The following FREM2 variants were observed in gnomAD, a reference collection of about 807,000 sequenced individuals.
FREM2 encodes the protein FRAS1 related extracellular matrix 2, also known as FRAS1-related extracellular matrix protein 2.
FREM2 carries 119 observed loss-of-function variants against 219.9 expected under a neutral mutation model. That is an observed-to-expected ratio of 0.54 (90% CI 0.47 to 0.63). The LOEUF (loss-of-function observed/expected upper bound fraction) is 0.63, where lower values mean the gene tolerates loss of function less well. Among genes scored for constraint, FREM2 ranks in the 30% least tolerant of loss-of-function variants. FREM2 has a pLI of 0.00. For synonymous variants in FREM2, 1,562 were observed against 1,522.8 expected, an observed-to-expected ratio of 1.03 and a Z score of -0.60; for missense variants, 4,030 against 3,993.6, an observed-to-expected ratio of 1.01 and a Z score of -0.25.
intron 6 of FREM2, among the ~76,000 whole-genome samples, chr13:38,812,284 C>A (rs1192035001): frequency 6.6e-6 from 1 of 151,972 alleles, no homozygotes; most frequent in Non-Finnish European, 1.5e-5. Context: ...GGGTTTGGTC[C>A]ATTTACATTT....
intron 13 of FREM2, 143 bp from the exon 14 acceptor site, chr13:38,859,144 G>A (rs1261846141): frequency 5.4e-6 from 4 of 737,906 alleles, no homozygotes; most frequent in African/African-American, 1.7e-5. Context: ...TATCATGCCT[G>A]GGGATCAAAA....
At chr13:38,778,611 A>G (rs1270584494) in intron 4 of FREM2, among the ~76,000 whole-genome samples, 1 of 152,150 alleles carries the variant, frequency 6.6e-6, no homozygotes, top group Non-Finnish European at 1.5e-5. Context: ...AGATGGACAC[A>G]TAGCGGGAAA....
intron 2 of FREM2, among the ~76,000 whole-genome samples, chr13:38,761,154 C>T (rs1037484932): frequency 6.6e-6 from 1 of 152,104 alleles, no homozygotes; most frequent in Non-Finnish European, 1.5e-5. Flanking sequence ...ACAGCACATA[C>T]AAAAACAGCC....
chr13:38,689,604 C>T lies in FREM2; in HGVS notation c.2260C>T (p.Leu754=), dbSNP rs369149093. 4.3e-6 allele frequency: 7 copies of T among 1,613,292 alleles called. No homozygotes were observed. The highest frequency in any genetic ancestry group is 2.7e-5 in the African/African-American group (2 of 74,888). The stretch of plus-strand genomic sequence containing the variant: ...CCCCACAGACACAGACGAAAATCAC[C>T]TGCCAGCCCCACTGGGTACCTTGGT... The part of the protein sequence containing the change: ...QPPTDTDENH[L]PAPLGTLVLT... Residue 754 remains leucine (L), a synonymous_variant, in exon 1 of 24, where the codon CTG becomes TTG. Coordinates refer to ENST00000280481, the MANE Select transcript of FREM2 (RefSeq NM_207361.6).
intron 6 of FREM2, among the ~76,000 whole-genome samples, chr13:38,832,802 T>C (rs577991884): frequency 6.6e-6 from 1 of 152,264 alleles, no homozygotes; most frequent in African/African-American, 2.4e-5. Context: ...CTAAGCACTT[T>C]GGGAAGCTGA....
chr13:38,821,346 C>T (rs911637251), intron 6 of FREM2, among the ~76,000 whole-genome samples: 64 of 151,882 alleles, frequency 4.2e-4, no homozygotes, highest in African/African-American at 1.5e-3. Flanking sequence ...TACAAGATTG[C>T]CCAGTCAAAT....
At chr13:38,717,412 C>CTTTTTTTTTTTT (rs386378868) in intron 2 of FREM2, among the ~76,000 whole-genome samples, 10 of 90,144 alleles carry the variant, frequency 1.1e-4, no homozygotes, top group Non-Finnish European at 2.0e-4. Flanking sequence ...TACATAAGTA[C>CTTTTTTTTTTTT]TTTTTTTTTT....
intron 6 of FREM2, among the ~76,000 whole-genome samples, chr13:38,806,018 A>C (rs1397471713): frequency 6.8e-6 from 1 of 147,134 alleles, no homozygotes; most frequent in African/African-American, 2.5e-5. Flanking sequence ...TTTTTTTTGT[A>C]ATAGTTTCCG....
At chr13:38,879,218 C>T (rs1262648831) in intron 23 of FREM2, among the ~76,000 whole-genome samples, 5 of 152,174 alleles carry the variant, frequency 3.3e-5, no homozygotes, top group African/African-American at 4.8e-5. Flanking sequence ...TTTCATAGCT[C>T]TTATCACTTT....
chr13:38,704,247 C>T (rs749557959), intron 2 of FREM2, among the ~76,000 whole-genome samples: 21 of 152,148 alleles, frequency 1.4e-4, no homozygotes, highest in South Asian at 4.1e-4. Context: ...TTTCAGGTGT[C>T]CATTGGGGTC....
At chr13:38,796,774 A>T (rs4261400) in intron 6 of FREM2, among the ~76,000 whole-genome samples, 69,050 of 152,042 alleles carry the variant, frequency 0.45, 16,624 homozygotes, top group Non-Finnish European at 0.52. Flanking sequence ...TTTTCTTTGG[A>T]TAAATACCTA....
At position 38,690,100 on chromosome 13, in the gene FREM2, G is replaced by T; in HGVS notation, c.2756G>T (p.Ser919Ile). 1 of 1,614,110 alleles carries T rather than the reference G, an allele frequency of 6.2e-7. No individual in the cohort carries two copies. Among genetic ancestry groups the T allele is most frequent in the Non-Finnish European group, 8.5e-7 (1 of 1,180,032 alleles). Residue 919 changes from serine to isoleucine, a missense_variant, in exon 1 of 24, where the codon AGT becomes ATT. Transcript: ENST00000280481. ...SLTDSCSLEVSDRHHVVPITL... is the reference protein window; with the variant it reads ...SLTDSCSLEVIDRHHVVPITL... The stretch of plus-strand genomic sequence containing the variant: ...ACTGATAGCTGCTCCTTGGAAGTCA[G>T]TGACAGACATCATGTGGTGCCCATC...
At chr13:38,819,247 C>A (rs558455982) in intron 6 of FREM2, among the ~76,000 whole-genome samples, 3 of 152,156 alleles carry the variant, frequency 2.0e-5, no homozygotes, top group African/African-American at 7.2e-5. Context: ...GCACTGCTCA[C>A]CACAGGAAAA....
chr13:38,752,106 T>G (rs1396370803), intron 2 of FREM2, among the ~76,000 whole-genome samples: 1 of 152,054 alleles, frequency 6.6e-6, no homozygotes, highest in Non-Finnish European at 1.5e-5. Context: ...GAAAAGAAAA[T>G]GTGAAAAACA....
chr13:38,781,140 T>A (rs1234196705), intron 4 of FREM2, among the ~76,000 whole-genome samples: 2 of 151,706 alleles, frequency 1.3e-5, no homozygotes, highest in South Asian at 2.1e-4. Flanking sequence ...AGCCCTCATA[T>A]CTTAGGCTCT....
At chr13:38,734,345 G>T (rs1871894205) in intron 2 of FREM2, among the ~76,000 whole-genome samples, 1 of 152,118 alleles carries the variant, frequency 6.6e-6, no homozygotes, top group Non-Finnish European at 1.5e-5. Flanking sequence ...GAAAAGAAAA[G>T]ACCCAGAGGA....
Position 38,877,164 on chromosome 13 carries a change from C to T in FREM2, c.8592C>T (p.Tyr2864=). Residue 2864 remains tyrosine, a synonymous_variant, in exon 21 of 24, where the codon TAC becomes TAT. Coordinates refer to ENST00000280481, the MANE Select transcript of FREM2 (RefSeq NM_207361.6). ...AAEFSLNTQM[Y]LLSKKSLWLS... The stretch of plus-strand genomic sequence containing the variant: ...AGTTTAGCTTGAACACCCAAATGTA[C>T]CTGCTCTCTAAGAAGAGTCTCTGGT... 1.2e-6 allele frequency: 2 copies of T among 1,613,988 alleles called. No individual in the cohort carries two copies. The highest frequency in any genetic ancestry group is 1.7e-6 in the Non-Finnish European group (2 of 1,179,888).
At chr13:38,777,585 G>A (rs1873922344) in intron 4 of FREM2, among the ~76,000 whole-genome samples, 1 of 152,160 alleles carries the variant, frequency 6.6e-6, no homozygotes, top group South Asian at 2.1e-4. Flanking sequence ...CATGTGAAGT[G>A]TTTAGAATAG....
intron 6 of FREM2, among the ~76,000 whole-genome samples, chr13:38,811,996 T>A (rs1448368266): frequency 6.6e-6 from 1 of 152,180 alleles, no homozygotes; most frequent in Non-Finnish European, 1.5e-5. Context: ...GCATATATAT[T>A]TACAATTATT....
Sources: allele counts gnomAD v4.1 joint callset (sites outside exome capture counted in the v4.1 genomes callset), GRCh38; gene constraint gnomAD v4.1.1; transcripts MANE v1.5; gene names NCBI Gene and HGNC (gene_info 2026-07-23, HGNC 2026-07-21).